Variants in TLL1 observed in about 807,000 individuals in gnomAD.
The protein encoded by TLL1 is tolloid-like protein 1.
A neutral mutation model predicts 128.2 loss-of-function variants in TLL1; 49 were observed. That is an observed-to-expected ratio of 0.38 (90% CI 0.30 to 0.48). TLL1 has a LOEUF of 0.48. Among genes scored for constraint, TLL1 ranks in the 20% least tolerant of loss-of-function variants. The pLI is 0.96. For synonymous variants in TLL1, 454 were observed against 418.8 expected (o/e 1.08, Z -1.03); for missense variants, 1,123 against 1,242.0 (o/e 0.90, Z 1.44).
At chr4:165,993,170 C>G (rs2111016254) in intron 3 of TLL1, among the ~76,000 whole-genome samples, 1 of 152,028 alleles carries the variant, frequency 6.6e-6, no homozygotes, top group South Asian at 2.1e-4. Context: ...TTCAGCATCA[C>G]ACCAAGGTAT....
chr4:165,899,598 G>T (rs934142413), intron 1 of TLL1, among the ~76,000 whole-genome samples: 3 of 152,056 alleles, frequency 2.0e-5, no homozygotes, highest in Admixed American at 6.6e-5. Context: ...CATTTGTTAT[G>T]ATTTCCGTTC....
intron 9 of TLL1, among the ~76,000 whole-genome samples, chr4:166,036,446 G>A (rs1344679975): frequency 6.6e-6 from 1 of 152,098 alleles, no homozygotes; most frequent in Non-Finnish European, 1.5e-5. Context: ...ATATAGTTGT[G>A]TTTTGTATTT....
chr4:165,904,075 A>C (rs1266370835), intron 1 of TLL1, among the ~76,000 whole-genome samples: 1 of 151,918 alleles, frequency 6.6e-6, no homozygotes, highest in Non-Finnish European at 1.5e-5. Context: ...ATTTTTTTTT[A>C]TATGGCATCT....
intron 11 of TLL1, 52 bp from the exon 12 acceptor site, chr4:166,043,222 T>C (rs1739316261): frequency 6.2e-7 from 1 of 1,612,350 alleles, no homozygotes; most frequent in Non-Finnish European, 8.5e-7. Context: ...AAAATGAAAA[T>C]GAAATAGCAT....
In TLL1 at chr4:165,958,497, C is replaced by A. The variant is rs1307582360; in HGVS notation, c.170-30884C>A. ...CATTTTTTCATGTGTCTTTTGGCTG[C>A]ATAAATGTCTTCTTTTGAGAAGTGT... On this transcript the variant is annotated intron_variant, in intron 1 of 20. Transcript: ENST00000061240. Among the ~76,000 whole-genome samples, 618 of 148,784 alleles carry A rather than the reference C, an allele frequency of 4.2e-3. 1 individual carries two copies. The highest frequency in any genetic ancestry group is 0.014 in the African/African-American group (562 of 39,758).
chr4:165,953,552 T>G (rs1734630384), intron 1 of TLL1, among the ~76,000 whole-genome samples: 1 of 124,764 alleles, frequency 8.0e-6, no homozygotes, highest in Admixed American at 9.0e-5. Context: ...GCAGTGGTAT[T>G]TCTTTTTCAT....
chr4:166,099,252 C>T, intron 19 of TLL1, 25 bp from the exon 20 acceptor site: 1 of 1,613,282 alleles, frequency 6.2e-7, no homozygotes, highest in Non-Finnish European at 8.5e-7. Flanking sequence ...TGACCTTACT[C>T]ATCTTATTTT....
rs748963045 is a variant in TLL1, at chr4:165,995,143, A to G, written c.597A>G (p.Glu199=). 2.5e-6 allele frequency: 4 copies of G among 1,614,040 alleles called. No individual in the cohort carries two copies. Among genetic ancestry groups the G allele is most frequent in the Non-Finnish European group, 3.4e-6 (4 of 1,179,902 alleles). ...TGACTTTCATAGAAAGAAGTGATGAAGAGAGTTACATTGTATTCACCTATA... is the reference window on the plus strand; with the variant it reads ...TGACTTTCATAGAAAGAAGTGATGAGGAGAGTTACATTGTATTCACCTATA... The part of the protein sequence containing the change: ...TCVTFIERSD[E]ESYIVFTYRP... Residue 199 remains glutamate, a synonymous_variant, in exon 5 of 21, where the codon GAA becomes GAG. Transcript: ENST00000061240.
chr4:165,937,859 C>A (rs1169564148), intron 1 of TLL1, among the ~76,000 whole-genome samples: 1 of 123,738 alleles, frequency 8.1e-6, no homozygotes, highest in Non-Finnish European at 1.7e-5. Context: ...CCCCACCCCC[C>A]CCCCAAAAAA....
At chr4:166,024,228 T>A (rs1738385798) in intron 8 of TLL1, among the ~76,000 whole-genome samples, 1 of 152,236 alleles carries the variant, frequency 6.6e-6, no homozygotes, top group African/African-American at 2.4e-5. Context: ...GAATAAACAT[T>A]TATATCATAT....
chr4:165,909,448 G>A (rs1029768090), intron 1 of TLL1, among the ~76,000 whole-genome samples: 1 of 152,154 alleles, frequency 6.6e-6, no homozygotes, highest in Non-Finnish European at 1.5e-5. Context: ...GTAAGATTAG[G>A]TGGCATCACT....
chr4:165,975,386 A>G (rs1024984829), intron 1 of TLL1, among the ~76,000 whole-genome samples: 2 of 151,996 alleles, frequency 1.3e-5, no homozygotes, highest in African/African-American at 4.8e-5. Flanking sequence ...GGCAGGGAAC[A>G]TCTAAGATAC....
rs753606075 is a variant in TLL1 at position 165,873,898 on chromosome 4, G to A, written c.-7G>A. 1 of 1,613,636 alleles carries A rather than the reference G, an allele frequency of 6.2e-7. No homozygotes were observed. The highest frequency in any genetic ancestry group is 8.5e-7 in the Non-Finnish European group (1 of 1,179,986). ...CCCGTCCCCTCCTTTTCCTCCGGGGGAGGAGGATGGGGTTGGGAACGCTTT... is the reference window on the plus strand; with the variant it reads ...CCCGTCCCCTCCTTTTCCTCCGGGGAAGGAGGATGGGGTTGGGAACGCTTT... On this transcript the variant is annotated 5_prime_UTR_variant, in exon 1 of 21. Coordinates refer to ENST00000061240, the MANE Select transcript of TLL1 (RefSeq NM_012464.5).
chr4:166,067,483 A>C (rs1740622192), intron 16 of TLL1, among the ~76,000 whole-genome samples: 1 of 151,628 alleles, frequency 6.6e-6, no homozygotes, highest in Non-Finnish European at 1.5e-5. Flanking sequence ...GCTGTTCTCC[A>C]CCACATGAGC....
chr4:165,980,813 C>G (rs1221609225), intron 1 of TLL1, among the ~76,000 whole-genome samples: 1 of 151,944 alleles, frequency 6.6e-6, no homozygotes, highest in African/African-American at 2.4e-5. Flanking sequence ...TTTTTGAATT[C>G]CTATTGCCTA....
chr4:165,937,857 C>A lies in TLL1; in HGVS notation c.170-51524C>A, dbSNP rs1324933344. On this transcript the variant is annotated intron_variant, in intron 1 of 20. Coordinates refer to ENST00000061240, the MANE Select transcript of TLL1 (RefSeq NM_012464.5). ...TTCTGGTTTATTCCCTTCCCCACCC[C>A]CCCCCCAAAAAAAAGCATTGCTCTC... Among the ~76,000 whole-genome samples the A allele has an allele frequency of 5.0e-4, 59 of 117,712 alleles. 1 individual carries two copies. Among genetic ancestry groups the A allele is most frequent in the Admixed American group, 9.0e-4 (8 of 8,928 alleles). 77.2% of individuals were successfully genotyped at this position (117,712 alleles called of 152,430 possible).
chr4:166,027,804 A>C (rs1193203270), intron 9 of TLL1, among the ~76,000 whole-genome samples: 1 of 152,174 alleles, frequency 6.6e-6, no homozygotes, highest in African/African-American at 2.4e-5. Flanking sequence ...GTTTCATAAC[A>C]GCAAGTTAAT....
chr4:166,030,174 A>G (rs1738696781), intron 9 of TLL1, among the ~76,000 whole-genome samples: 1 of 152,116 alleles, frequency 6.6e-6, no homozygotes, highest in Admixed American at 6.6e-5. Flanking sequence ...TTGTTTTGAT[A>G]GTAGCCATCC....
At chr4:166,087,194 G>C (rs1240248465) in intron 18 of TLL1, among the ~76,000 whole-genome samples, 1 of 152,054 alleles carries the variant, frequency 6.6e-6, no homozygotes, top group East Asian at 1.9e-4. Flanking sequence ...AAGCTAATGT[G>C]CTTCTATCAT....
Sources: allele counts gnomAD v4.1 joint callset (sites outside exome capture counted in the v4.1 genomes callset), GRCh38; gene constraint gnomAD v4.1.1; transcripts MANE v1.5; gene names NCBI Gene and HGNC (gene_info 2026-07-23, HGNC 2026-07-21).